The following MEIS1 variants were observed in gnomAD, a reference collection of about 807,000 sequenced individuals.
MEIS1 encodes the protein homeobox protein Meis1.
MEIS1 carries 5 observed loss-of-function variants against 50.8 expected under a neutral mutation model. The ratio of observed to expected loss-of-function variants is 0.10; its 90% confidence interval spans 0.05 to 0.21. MEIS1 has a LOEUF of 0.21. Ranked by LOEUF, MEIS1 falls within the 10% of genes least tolerant of loss-of-function variation. The pLI, the probability that MEIS1 is intolerant of heterozygous loss-of-function variation, is 1.00. For missense variants in MEIS1, 318 were observed against 517.3 expected (o/e 0.61, Z 3.74); for synonymous variants, 176 against 179.3 (o/e 0.98, Z 0.15).
intron 6 of MEIS1, among the ~76,000 whole-genome samples, chr2:66,463,897 T>C (rs1005112418): frequency 6.6e-6 from 1 of 152,216 alleles, no homozygotes; most frequent in African/African-American, 2.4e-5. Flanking sequence ...AGAATAACTA[T>C]TTGTAGATAT....
rs533038123 is a variant in MEIS1, at chr2:66,550,540, C to T, written c.965+2521C>T. Among the ~76,000 whole-genome samples, 21 of 151,828 alleles carry T rather than the reference C, an allele frequency of 1.4e-4. 1 individual carries two copies. The South Asian group carries it at 2.7e-3, about 20-fold the overall frequency. Reference sequence around the variant, plus strand: ...TGATACCGAGTCCTGCTCTGTTGTCCGGGCTGGAGTGCAGTGGTGTGAACA... The same window carrying T: ...TGATACCGAGTCCTGCTCTGTTGTCTGGGCTGGAGTGCAGTGGTGTGAACA... On this transcript the variant is annotated intron_variant, in intron 9 of 12. Coordinates refer to ENST00000272369, the MANE Select transcript of MEIS1 (RefSeq NM_002398.3).
chr2:66,568,145 A>C (rs1675396589), intron 10 of MEIS1: 1 of 156,054 alleles, frequency 6.4e-6, no homozygotes, highest in Non-Finnish European at 1.4e-5. Flanking sequence ...TTTTGTTTTT[A>C]AATTATGAGC....
chr2:66,520,851 G>C (rs1674099792), intron 8 of MEIS1, among the ~76,000 whole-genome samples: 2 of 152,212 alleles, frequency 1.3e-5, no homozygotes, highest in Admixed American at 6.5e-5. Flanking sequence ...AACTGGCTGA[G>C]CTTGAACCAG....
At chr2:66,532,402 T>G (rs1005994338) in intron 8 of MEIS1, among the ~76,000 whole-genome samples, 193 of 151,364 alleles carry the variant, frequency 1.3e-3, no homozygotes, top group Middle Eastern at 3.4e-3. Flanking sequence ...ATGTATCCTT[T>G]CAGAGAAAAA....
chr2:66,483,244 T>C (rs1046881088), intron 7 of MEIS1, among the ~76,000 whole-genome samples: 2 of 147,564 alleles, frequency 1.4e-5, no homozygotes. Flanking sequence ...TTTTTTTTTT[T>C]GTCTTTTTGT....
In MEIS1 at chr2:66,555,275, TCTCTC is replaced by T. The variant is rs142529440; in HGVS notation, c.965+7257_965+7261del. On this transcript the variant is annotated intron_variant, in intron 9 of 12. Transcript: ENST00000272369. The stretch of plus-strand genomic sequence containing the variant: ...CGTGTTCTCTCTCTCTCTCTCTCTC[TCTCTC>T]GTCTCTCTCCACCCCCCAAACCCCC... Among the ~76,000 whole-genome samples, 36 of 25,116 alleles carry T rather than the reference TCTCTC, an allele frequency of 1.4e-3. 1 individual carries two copies. The highest frequency in any genetic ancestry group is 2.7e-3 in the African/African-American group (29 of 10,698). 16.5% of individuals were successfully genotyped at this position (25,116 alleles called of 152,430 possible). A position where few individuals can be genotyped will look rare whatever the true frequency, so the allele number is the denominator to read the frequency against.
chr2:66,469,328 G>T (rs1460580719), intron 7 of MEIS1, among the ~76,000 whole-genome samples: 2 of 152,102 alleles, frequency 1.3e-5, no homozygotes, highest in South Asian at 2.1e-4. Flanking sequence ...ACCAGCTTTT[G>T]TGTGAGTCCA....
At chr2:66,556,928 G>A (rs1033133649) in intron 9 of MEIS1, among the ~76,000 whole-genome samples, 18 of 150,294 alleles carry the variant, frequency 1.2e-4, no homozygotes, top group Non-Finnish European at 2.2e-4. Context: ...GTGGGAGGGG[G>A]CGCAGAGAGG....
rs79494608 is a variant in MEIS1 at position 66,512,496 on chromosome 2, C to T, written c.888+202C>T. 2.0e-4 allele frequency among the ~76,000 whole-genome samples: 30 copies of T among 152,204 alleles called. No homozygotes were observed. The East Asian group carries it at 3.1e-3, about 16-fold the overall frequency. On this transcript the variant is annotated intron_variant, in intron 8 of 12. Transcript: ENST00000272369. The stretch of plus-strand genomic sequence containing the variant: ...AAATTTTATTTAAAATTCACGATTG[C>T]GATTTTGTTAACTTTCATAAGTTAA...
At chr2:66,504,884 T>A (rs1400869656) in intron 7 of MEIS1, among the ~76,000 whole-genome samples, 1 of 152,168 alleles carries the variant, frequency 6.6e-6, no homozygotes, top group African/African-American at 2.4e-5. Context: ...GTAAAATATA[T>A]GAGAATATGC....
At chr2:66,549,033 C>T (rs1042279688) in intron 9 of MEIS1, among the ~76,000 whole-genome samples, 2 of 152,166 alleles carry the variant, frequency 1.3e-5, no homozygotes, top group African/African-American at 4.8e-5. Context: ...ATGTCTATTG[C>T]ACCTACATTA....
chr2:66,511,118 T>C (rs898610063), intron 7 of MEIS1, among the ~76,000 whole-genome samples: 6 of 152,214 alleles, frequency 3.9e-5, no homozygotes, highest in African/African-American at 1.4e-4. Context: ...TAAGCTACTT[T>C]TTAGTGTAAT....
Position 66,439,954 on chromosome 2 carries a change from C to T in MEIS1, c.351C>T (p.Phe117=). The change falls in exon 3 of 13, where the codon TTC becomes TTT. Residue 117 remains phenylalanine, a synonymous_variant. Coordinates refer to ENST00000272369, the MANE Select transcript of MEIS1 (RefSeq NM_002398.3). The part of the protein sequence containing the change: ...AGGDVCSSES[F]NEDIAVFAKQ... The stretch of plus-strand genomic sequence containing the variant: ...GGGACGTCTGCTCGTCAGAGTCATT[C>T]AATGAAGATATAGCCGTGTTCGCCA... 1 of 1,612,706 alleles carries T rather than the reference C, an allele frequency of 6.2e-7. No individual in the cohort carries two copies. Among genetic ancestry groups the T allele is most frequent in the Non-Finnish European group, 8.5e-7 (1 of 1,179,400 alleles).
chr2:66,510,761 T>C (rs1312378765), intron 7 of MEIS1, among the ~76,000 whole-genome samples: 1 of 152,178 alleles, frequency 6.6e-6, no homozygotes, highest in African/African-American at 2.4e-5. Context: ...CTGAGGGAGC[T>C]GTTAAAAACA....
intron 7 of MEIS1, among the ~76,000 whole-genome samples, chr2:66,477,758 A>G (rs1049069826): frequency 2.0e-5 from 3 of 152,176 alleles, no homozygotes; most frequent in African/African-American, 7.2e-5. Flanking sequence ...GTTTTGCCTC[A>G]TGGGCCTTCA....
chr2:66,442,567 C>T (rs980500176), intron 5 of MEIS1, among the ~76,000 whole-genome samples: 1 of 152,140 alleles, frequency 6.6e-6, no homozygotes, highest in African/African-American at 2.4e-5. Flanking sequence ...GATAAAGTCA[C>T]TGGATGAAAT....
intron 9 of MEIS1, among the ~76,000 whole-genome samples, chr2:66,553,039 G>GT (rs1234640747): frequency 6.6e-6 from 1 of 152,106 alleles, no homozygotes; most frequent in Non-Finnish European, 1.5e-5. Flanking sequence ...GAAAACAGAT[G>GT]TAAAAAAAAG....
intron 9 of MEIS1, among the ~76,000 whole-genome samples, chr2:66,549,896 A>C (rs1256554085): frequency 6.6e-6 from 1 of 152,134 alleles, no homozygotes; most frequent in Non-Finnish European, 1.5e-5. Flanking sequence ...TTTCCTGTGA[A>C]TGCAGGAAGA....
chr2:66,495,175 AATTT>A (rs1415419891), intron 7 of MEIS1, among the ~76,000 whole-genome samples: 3 of 146,834 alleles, frequency 2.0e-5, no homozygotes, highest in African/African-American at 7.7e-5. Context: ...CAGTTTTTAT[AATTT>A]TGGTTTTCAT....
Sources: gnomAD v4.1 joint callset for allele counts (sites outside exome capture counted in the v4.1 genomes callset) on GRCh38, gnomAD v4.1.1 for gene constraint, MANE v1.5 for transcripts, NCBI Gene and HGNC (gene_info 2026-07-23, HGNC 2026-07-21) for gene names.